KDM4C: variants seen among roughly 807,000 people sequenced by gnomAD.
KDM4C encodes the protein lysine-specific demethylase 4C.
KDM4C carries 81 observed loss-of-function variants against 129.3 expected under a neutral mutation model. That is an observed-to-expected ratio of 0.63 (90% CI 0.52 to 0.75). The LOEUF is 0.75. KDM4C is among the 30% of genes least tolerant of loss of function. KDM4C has a pLI of 0.00. For synonymous variants in KDM4C, 573 were observed against 456.1 expected (o/e 1.26, Z -3.26); for missense variants, 1,457 against 1,304.0 (o/e 1.12, Z -1.81).
intron 5 of KDM4C, among the ~76,000 whole-genome samples, chr9:6,857,772 T>A (rs912142694): frequency 1.3e-5 from 2 of 151,062 alleles, no homozygotes; most frequent in Non-Finnish European, 1.5e-5. Context: ...TTTTTTTTTT[T>A]AAGACAGGGT....
chr9:7,048,533 C>G (rs1829725980), intron 16 of KDM4C, among the ~76,000 whole-genome samples: 1 of 151,914 alleles, frequency 6.6e-6, no homozygotes. Flanking sequence ...ATGAGATAAA[C>G]TTCATTTCTT....
chr9:6,840,771 T>C (rs1836774640), intron 4 of KDM4C, among the ~76,000 whole-genome samples: 1 of 152,192 alleles, frequency 6.6e-6, no homozygotes. Context: ...TAAAATGAAA[T>C]GATGTTTTGC....
chr9:6,842,690 C>T (rs538504510), intron 4 of KDM4C, among the ~76,000 whole-genome samples: 4 of 151,880 alleles, frequency 2.6e-5, no homozygotes, highest in Non-Finnish European at 4.4e-5. Flanking sequence ...GGATTTGTGG[C>T]TTAAAAAAAA....
intron 15 of KDM4C, among the ~76,000 whole-genome samples, chr9:7,043,635 T>C (rs563342740): frequency 1.3e-5 from 2 of 152,114 alleles, no homozygotes; most frequent in African/African-American, 4.8e-5. Context: ...CTGAGGGCCA[T>C]TGAGTCAAAC....
intron 2 of KDM4C, among the ~76,000 whole-genome samples, chr9:6,796,318 G>A (rs1167111073): frequency 1.3e-5 from 2 of 152,148 alleles, no homozygotes; most frequent in Admixed American, 6.5e-5. Context: ...GGAGGTGGGC[G>A]CCTGTAGTCC....
At chr9:6,746,866 C>T (rs1232522781) in intron 1 of KDM4C, among the ~76,000 whole-genome samples, 5 of 150,794 alleles carry the variant, frequency 3.3e-5, no homozygotes, top group South Asian at 2.1e-4. Flanking sequence ...ATTAGCCGGG[C>T]GTGGTGGCGG....
chr9:7,039,731 A>G (rs1336157444), intron 15 of KDM4C, among the ~76,000 whole-genome samples: 3 of 151,410 alleles, frequency 2.0e-5, no homozygotes, highest in Non-Finnish European at 4.4e-5. Flanking sequence ...AAGAGAAAAT[A>G]TATTTATTCA....
At chr9:6,865,805 C>T (rs756014715) in intron 5 of KDM4C, among the ~76,000 whole-genome samples, 2 of 151,938 alleles carry the variant, frequency 1.3e-5, no homozygotes, top group Non-Finnish European at 2.9e-5. Flanking sequence ...GGCTGGAGTG[C>T]AGTGGCGCAA....
At chr9:6,896,818 T>C (rs756737555) in intron 8 of KDM4C, among the ~76,000 whole-genome samples, 54 of 152,058 alleles carry the variant, frequency 3.6e-4, no homozygotes, top group Non-Finnish European at 6.3e-4. Flanking sequence ...GAGAGTAGAG[T>C]TGACACTGGG....
chr9:7,013,314 A>G (rs1823033028), intron 13 of KDM4C, among the ~76,000 whole-genome samples: 1 of 152,210 alleles, frequency 6.6e-6, no homozygotes, highest in South Asian at 2.1e-4. Context: ...GACATGTGCC[A>G]GTTCTCTCTC....
rs1202546905 is a variant in KDM4C at position 7,011,845 on chromosome 9, G to T, written c.1934G>T (p.Cys645Phe). 2.5e-6 allele frequency: 4 copies of T among 1,614,000 alleles called. No individual in the cohort carries two copies. The highest frequency in any genetic ancestry group is 3.4e-6 in the Non-Finnish European group (4 of 1,179,980). The change falls in exon 13 of 22, where the codon TGT (cysteine) becomes TTT (phenylalanine). Residue 645 changes from cysteine (C) to phenylalanine (F), a missense_variant. By Grantham distance (205) the Cys-to-Phe change is radical. Transcript: ENST00000381309. ...ACAGTGGCCAGGATGAAGCCACACT[G>T]TGCCATCTGCACTCTGCTCATGCCG... ...NATVARMKPH[C>F]AICTLLMPYH...
At chr9:6,724,145 G>A (rs964315936) in intron 1 of KDM4C, 2 of 152,306 alleles carry the variant, frequency 1.3e-5, no homozygotes, top group Non-Finnish European at 2.9e-5. Flanking sequence ...CTATCCAGCA[G>A]GCTATTCAGA....
At chr9:6,918,874 C>T (rs1165450986) in intron 8 of KDM4C, among the ~76,000 whole-genome samples, 2 of 151,310 alleles carry the variant, frequency 1.3e-5, no homozygotes. Context: ...TTTTTTGAGA[C>T]AGAGTCTCAC....
chr9:7,057,133 T>G (rs1426382273), intron 17 of KDM4C, among the ~76,000 whole-genome samples: 11 of 152,320 alleles, frequency 7.2e-5, no homozygotes, highest in African/African-American at 2.6e-4. Flanking sequence ...TTAATATAAA[T>G]TAGGTTATTC....
intron 17 of KDM4C, among the ~76,000 whole-genome samples, chr9:7,085,039 A>G (rs1383397315): frequency 6.6e-6 from 1 of 152,236 alleles, no homozygotes; most frequent in Non-Finnish European, 1.5e-5. Flanking sequence ...TGTGGCCAAG[A>G]TGAAGGTAAG....
intron 8 of KDM4C, among the ~76,000 whole-genome samples, chr9:6,900,997 G>A (rs1282120509): frequency 6.6e-6 from 1 of 151,740 alleles, no homozygotes; most frequent in Non-Finnish European, 1.5e-5. Context: ...CCTTAGTTTG[G>A]ACTTTTCCAT....
rs147817719 is a variant in KDM4C at position 6,722,853 on chromosome 9, C to G, written c.49+1856C>G. 1.8e-3 allele frequency among the ~76,000 whole-genome samples: 269 copies of G among 152,116 alleles called. 2 individuals are homozygous for G. Among genetic ancestry groups the G allele is most frequent in the African/African-American group, 6.2e-3 (257 of 41,510 alleles). ...AAAAAATTAGCTGGGTGTAGTGGCA[C>G]ACATCTGTGGTCTCAGCTACTTGGA... On this transcript the variant is annotated intron_variant, in intron 1 of 17. Coordinates refer to the KDM4C transcript ENST00000536108.
intron 5 of KDM4C, among the ~76,000 whole-genome samples, chr9:6,865,700 G>C (rs1220894998): frequency 6.6e-6 from 1 of 151,984 alleles, no homozygotes; most frequent in African/African-American, 2.4e-5. Flanking sequence ...CCGTAGCTGG[G>C]ATTACAGGCA....
At chr9:6,811,234 A>G (rs1313118675) in intron 3 of KDM4C, among the ~76,000 whole-genome samples, 2 of 151,766 alleles carry the variant, frequency 1.3e-5, no homozygotes, top group Non-Finnish European at 2.9e-5. Context: ...GCTCACTGCA[A>G]CCTCCGCCTG....
Sources: allele counts gnomAD v4.1 joint callset (sites outside exome capture counted in the v4.1 genomes callset), GRCh38; gene constraint gnomAD v4.1.1; transcripts MANE v1.5; gene names NCBI Gene and HGNC (gene_info 2026-07-23, HGNC 2026-07-21).